ENTREP2: variants seen among roughly 807,000 people sequenced by gnomAD.
The protein encoded by ENTREP2 is protein ENTREP2.
chr15:29,511,755 C>T, the ENTREP2 span, among the ~76,000 whole-genome samples: 3 of 150,080 alleles, frequency 2.0e-5, no homozygotes, highest in African/African-American at 7.4e-5. Context: ...TCACTTCCAG[C>T]CTCGAAGGGT....
chr15:29,442,517 C>T, the ENTREP2 span, among the ~76,000 whole-genome samples: 1 of 152,230 alleles, frequency 6.6e-6, no homozygotes, highest in African/African-American at 2.4e-5. Context: ...GCAGAGTACT[C>T]TGCCGAGAAC....
At chr15:29,634,235 A>G in the ENTREP2 span, among the ~76,000 whole-genome samples, 2 of 152,138 alleles carry the variant, frequency 1.3e-5, no homozygotes, top group Non-Finnish European at 2.9e-5. Flanking sequence ...AGACAAGCTT[A>G]GAGCATGTCT....
chr15:29,534,694 C>A, the ENTREP2 span, among the ~76,000 whole-genome samples: 73 of 152,258 alleles, frequency 4.8e-4, no homozygotes, highest in African/African-American at 1.6e-3. Context: ...CCTATAAAAA[C>A]GTGGCAAGCC....
the ENTREP2 span, chr15:29,117,738 T>TATTA: frequency 6.9e-6 from 1 of 145,262 alleles, no homozygotes; most frequent in Non-Finnish European, 1.4e-5. Context: ...ATTTAGATGC[T>TATTA]ATTATTACTG....
chr15:29,390,708 T>C, the ENTREP2 span, among the ~76,000 whole-genome samples: 2 of 152,192 alleles, frequency 1.3e-5, no homozygotes, highest in Non-Finnish European at 2.9e-5. Context: ...CTGGAATAAA[T>C]TAGCTCTTTA....
the ENTREP2 span, among the ~76,000 whole-genome samples, chr15:29,532,786 C>T: frequency 2.0e-5 from 3 of 152,154 alleles, no homozygotes; most frequent in South Asian, 2.1e-4. Context: ...TTAAAATCTA[C>T]AAAACCTGAG....
the ENTREP2 span, among the ~76,000 whole-genome samples, chr15:29,347,128 T>C: frequency 6.6e-6 from 1 of 152,218 alleles, no homozygotes; most frequent in African/African-American, 2.4e-5. Flanking sequence ...GCCATGTTTC[T>C]TCTAAAAGAA....
the ENTREP2 span, among the ~76,000 whole-genome samples, chr15:29,417,651 A>G: frequency 1.3e-5 from 2 of 151,832 alleles, no homozygotes; most frequent in Non-Finnish European, 2.9e-5. Flanking sequence ...AATAATAATA[A>G]AATTTAAAAT....
At chr15:29,352,396 C>G in the ENTREP2 span, among the ~76,000 whole-genome samples, 830 of 152,316 alleles carry the variant, frequency 5.4e-3, 5 homozygotes, top group South Asian at 0.016. Flanking sequence ...GCACATTACA[C>G]AGAGTCTTAG....
chr15:29,196,530 C>T, the ENTREP2 span: 1 of 1,551,700 alleles, frequency 6.4e-7, no homozygotes, highest in South Asian at 1.2e-5. Context: ...CTGCAGCTCA[C>T]AGCAGACACA....
the ENTREP2 span, among the ~76,000 whole-genome samples, chr15:29,446,818 C>A: frequency 6.6e-6 from 1 of 152,200 alleles, no homozygotes; most frequent in Non-Finnish European, 1.5e-5. Flanking sequence ...TGGTTGTCAG[C>A]CACCTTCCTC....
At chr15:29,123,864 C>T in the ENTREP2 span, among the ~76,000 whole-genome samples, 1 of 152,132 alleles carries the variant, frequency 6.6e-6, no homozygotes, top group South Asian at 2.1e-4. Flanking sequence ...CTGCAGCCTC[C>T]AGGAGCGAAG....
At chr15:29,668,467 T>C in the ENTREP2 span, among the ~76,000 whole-genome samples, 7 of 152,312 alleles carry the variant, frequency 4.6e-5, no homozygotes, top group African/African-American at 1.7e-4. Context: ...TCAATGTTCC[T>C]AGCAATATTA....
the ENTREP2 span, among the ~76,000 whole-genome samples, chr15:29,453,659 A>G: frequency 6.6e-6 from 1 of 152,234 alleles, no homozygotes; most frequent in Non-Finnish European, 1.5e-5. Flanking sequence ...GAAATAACGT[A>G]TATCACCACC....
chr15:29,625,226 A>G, the ENTREP2 span, among the ~76,000 whole-genome samples: 1,513 of 152,326 alleles, frequency 9.9e-3, 26 homozygotes, highest in African/African-American at 0.035. Flanking sequence ...TTGCTGAGTA[A>G]TATTTTCTTT....
At chr15:29,246,826 C>T in the ENTREP2 span, among the ~76,000 whole-genome samples, 1 of 152,114 alleles carries the variant, frequency 6.6e-6, no homozygotes, top group Admixed American at 6.6e-5. Context: ...TTATCCGCTA[C>T]TCCCTGTTTA....
chr15:29,527,850 G>A, the ENTREP2 span, among the ~76,000 whole-genome samples: 2 of 152,070 alleles, frequency 1.3e-5, no homozygotes, highest in East Asian at 1.9e-4. Flanking sequence ...ATGCTTCAGC[G>A]GACCCCTCTG....
the ENTREP2 span, among the ~76,000 whole-genome samples, chr15:29,237,147 A>C: frequency 6.6e-6 from 1 of 152,198 alleles, no homozygotes; most frequent in East Asian, 1.9e-4. Context: ...TTGACAAGGA[A>C]GAAGCTTTTG....
chr15:29,509,360 C>A, the ENTREP2 span, among the ~76,000 whole-genome samples: 3 of 152,128 alleles, frequency 2.0e-5, no homozygotes, highest in Admixed American at 6.5e-5. Context: ...CTATTCCCAT[C>A]AAGCTACCAT....
Sources: gnomAD v4.1 joint callset for allele counts (sites outside exome capture counted in the v4.1 genomes callset) on GRCh38, gnomAD v4.1.1 for gene constraint, MANE v1.5 for transcripts, NCBI Gene and HGNC (gene_info 2026-07-23, HGNC 2026-07-21) for gene names.